Variants in GANC observed in about 807,000 individuals in gnomAD.
GANC encodes glucosidase alpha, neutral C, also known as neutral alpha-glucosidase C.
In GANC, 117 loss-of-function variants were observed where a neutral mutation model predicts 124.2. The observed-to-expected ratio is 0.94, with a 90% CI of 0.81 to 1.10. The LOEUF is 1.10. Ranked by LOEUF, GANC falls within the 50% of genes least tolerant of loss-of-function variation. The pLI is 0.00. For missense variants in GANC, 1,140 were observed against 1,095.0 expected (o/e 1.04, Z -0.58); for synonymous variants, 377 against 376.8 (o/e 1.00, Z -0.01).
chr15:42,343,496 A>G (rs2052342658), intron 19 of GANC: 1 of 217,120 alleles, frequency 4.6e-6, no homozygotes, highest in African/African-American at 2.3e-5. Flanking sequence ...GGGAAAGCAG[A>G]TATGAAGTGA....
At chr15:42,344,684 A>G (rs1413916581) in intron 19 of GANC, 1 of 152,206 alleles carries the variant, frequency 6.6e-6, no homozygotes, top group Non-Finnish European at 1.5e-5. Context: ...AGTTATTTGG[A>G]GTTCTGAAGA....
At position 42,327,457 on chromosome 15, in the gene GANC, C is replaced by G. The variant is rs200090109; in HGVS notation, c.1500+15C>G. 4 of 1,581,626 alleles carry G rather than the reference C, an allele frequency of 2.5e-6. No individual in the cohort carries two copies. The highest frequency in any genetic ancestry group is 3.5e-6 in the Non-Finnish European group (4 of 1,151,486). On this transcript the variant is annotated intron_variant, in intron 13 of 23. Transcript: ENST00000318010. ...CTGTTTATCAGGTTGGTTTTTATTC[C>G]TTTGTTCTTTTCTAGTTACCTGAAA...
rs1215456084 is a variant in GANC at position 42,321,909 on chromosome 15, C to T, written c.1182C>T (p.Ala394=). Reference sequence around the variant, plus strand: ...ATGAGCATGACATTCCTTATGATGCCATGTGGCTGGACATAGAGCACACTG... The same window carrying T: ...ATGAGCATGACATTCCTTATGATGCTATGTGGCTGGACATAGAGCACACTG... The part of the protein sequence containing the change: ...GFDEHDIPYD[A]MWLDIEHTEG... The change falls in exon 11 of 24, where the codon GCC becomes GCT. Residue 394 remains alanine, a synonymous_variant. Coordinates refer to ENST00000318010, the MANE Select transcript of GANC (RefSeq NM_198141.3). 12 of 1,614,044 alleles carry T rather than the reference C, an allele frequency of 7.4e-6. No individual in the cohort carries two copies. Among genetic ancestry groups the T allele is most frequent in the Non-Finnish European group, 1.0e-5 (12 of 1,180,026 alleles).
rs1337989019 is a variant in GANC, at chr15:42,352,727, A to AG, written c.*590dup. 2.0e-6 allele frequency: 2 copies of AG among 985,684 alleles called. No individual in the cohort carries two copies. The highest frequency in any genetic ancestry group is 3.5e-5 in the African/African-American group (2 of 57,254). The allele number at this position is 985,684 out of a possible 1,614,324, so 61.1% of individuals were successfully genotyped here. On this transcript the variant is annotated 3_prime_UTR_variant, in exon 24 of 24. Transcript: ENST00000318010. ...GATTCTTTTCTCTTTCATGCTTCTC[A>AG]GGCTCAATAGTTTCTAATTAATCTT... is the stretch of plus-strand genomic sequence containing the variant.
At chr15:42,300,651 A>G (rs565924645) in intron 6 of GANC, among the ~76,000 whole-genome samples, 75 of 152,358 alleles carry the variant, frequency 4.9e-4, no homozygotes, top group African/African-American at 1.8e-3. Context: ...ATGCACATGT[A>G]TGTTTATTGC....
intron 16 of GANC, among the ~76,000 whole-genome samples, chr15:42,339,305 AACACAC>A (rs60116980): frequency 0.25 from 29,173 of 118,950 alleles, 3,601 homozygotes; most frequent in Admixed American, 0.38. Context: ...ACCCCCCTCC[AACACAC>A]ACACACACAC....
At position 42,352,509 on chromosome 15, in the gene GANC, T is replaced by C; in HGVS notation, c.*370T>C. 1.9e-6 allele frequency: 2 copies of C among 1,049,690 alleles called. No homozygotes were observed. The highest frequency in any genetic ancestry group is 2.3e-6 in the Non-Finnish European group (2 of 867,562). The allele number at this position is 1,049,690 out of a possible 1,614,324, so 65.0% of individuals were successfully genotyped here. A position where few individuals can be genotyped will look rare whatever the true frequency, so the allele number is the denominator to read the frequency against. Reference sequence around the variant, plus strand: ...ATTTGCCAGGGCTTGCCTCAGGCCATGCAGCATTGGCGCTCTGGCTGCAGC... The same window carrying C: ...ATTTGCCAGGGCTTGCCTCAGGCCACGCAGCATTGGCGCTCTGGCTGCAGC... On this transcript the variant is annotated 3_prime_UTR_variant, in exon 24 of 24. Transcript: ENST00000318010.
chr15:42,331,551 C>T (rs2052245843), intron 15 of GANC, among the ~76,000 whole-genome samples: 1 of 152,162 alleles, frequency 6.6e-6, no homozygotes, highest in South Asian at 2.1e-4. Flanking sequence ...AAGAATCCAG[C>T]CCTTACTATC....
chr15:42,314,402 A>C (rs1232459187), intron 10 of GANC: 2 of 428,864 alleles, frequency 4.7e-6, no homozygotes, highest in Non-Finnish European at 8.5e-6. Context: ...GAATAATTTG[A>C]ATCCAGCTTT....
chr15:42,345,571 A>G (rs2052357109), intron 19 of GANC, among the ~76,000 whole-genome samples, 187 bp from the exon 20 acceptor site: 1 of 152,228 alleles, frequency 6.6e-6, no homozygotes, highest in South Asian at 2.1e-4. Flanking sequence ...TTAATCAGCC[A>G]TAGTCTTTTG....
intron 10 of GANC, among the ~76,000 whole-genome samples, chr15:42,320,097 T>A (rs1159218244): frequency 6.6e-6 from 1 of 152,028 alleles, no homozygotes; most frequent in Admixed American, 6.6e-5. Context: ...GGCAGGAAAA[T>A]CGCTTGAACC....
rs1332422768 is a variant in GANC at position 42,353,099 on chromosome 15, C to G, written c.*960C>G. 1.0e-6 allele frequency: 1 copy of G among 984,858 alleles called. No homozygotes were observed. Among genetic ancestry groups the G allele is most frequent in the African/African-American group, 1.7e-5 (1 of 57,166 alleles). 61.0% of individuals were successfully genotyped at this position (984,858 alleles called of 1,614,324 possible). A position where few individuals can be genotyped will look rare whatever the true frequency, so the allele number is the denominator to read the frequency against. ...GTATTACTGAGTTTTCCTTTTGTCC[C>G]AGGCTCTAATATGGCTTGGCATGGG... On this transcript the variant is annotated 3_prime_UTR_variant, in exon 24 of 24. Coordinates refer to ENST00000318010, the MANE Select transcript of GANC (RefSeq NM_198141.3).
At chr15:42,275,941 C>T (rs1357922935) in intron 1 of GANC, among the ~76,000 whole-genome samples, 1 of 152,080 alleles carries the variant, frequency 6.6e-6, no homozygotes, top group Non-Finnish European at 1.5e-5. Context: ...TTGAATAAAT[C>T]GGTGGGTGGG....
At chr15:42,298,629 C>G (rs1297929339) in intron 6 of GANC, among the ~76,000 whole-genome samples, 1 of 152,220 alleles carries the variant, frequency 6.6e-6, no homozygotes, top group Non-Finnish European at 1.5e-5. Flanking sequence ...TCTTCTCTCT[C>G]TTCATCCCCA....
intron 11 of GANC, among the ~76,000 whole-genome samples, chr15:42,323,858 G>A (rs1031477365): frequency 6.6e-6 from 1 of 152,102 alleles, no homozygotes; most frequent in Non-Finnish European, 1.5e-5. Flanking sequence ...GAGTAAGCAG[G>A]GAGAGGGAAG....
In GANC at chr15:42,321,994, G is replaced by A; in HGVS notation, c.1267G>A (p.Glu423Lys). The A allele has an allele frequency of 6.2e-7, 1 of 1,613,396 alleles. No individual in the cohort carries two copies. Among genetic ancestry groups the A allele is most frequent in the South Asian group, 1.1e-5 (1 of 90,926 alleles). Residue 423 changes from glutamate (E) to lysine (K), a missense_variant, in exon 11 of 24, where the codon GAG becomes AAG. Physicochemically the swap from Glu to Lys is moderately conservative, Grantham distance 56. Transcript: ENST00000318010. ...NRFPNPKRMQELLRSKKRKLV... is the reference protein window; with the variant it reads ...NRFPNPKRMQKLLRSKKRKLV... ...ATTCCCAAACCCCAAGAGGATGCAA[G>A]AGCTGCTCAGGAGCAAAAAGCGTAA...
chr15:42,326,694 C>G (rs1298469772), intron 12 of GANC, among the ~76,000 whole-genome samples: 1 of 151,936 alleles, frequency 6.6e-6, no homozygotes, highest in African/African-American at 2.4e-5. Context: ...TCCAAGCAAA[C>G]AGAGATAAAA....
At chr15:42,278,825 C>G (rs1307857416) in intron 3 of GANC, among the ~76,000 whole-genome samples, 1 of 152,100 alleles carries the variant, frequency 6.6e-6, no homozygotes, top group Non-Finnish European at 1.5e-5. Context: ...GAAAACCCAT[C>G]TCTACAAAAA....
intron 3 of GANC, among the ~76,000 whole-genome samples, chr15:42,279,382 CA>C (rs754330655): frequency 6.6e-6 from 1 of 152,122 alleles, no homozygotes; most frequent in African/African-American, 2.4e-5. Flanking sequence ...GCAGGTGGGC[CA>C]GGGGGAACAG....
Sources: gnomAD v4.1 joint callset for allele counts (sites outside exome capture counted in the v4.1 genomes callset) on GRCh38, gnomAD v4.1.1 for gene constraint, MANE v1.5 for transcripts, NCBI Gene and HGNC (gene_info 2026-07-23, HGNC 2026-07-21) for gene names.